The following PLCB1 variants were observed in gnomAD, a reference collection of about 807,000 sequenced individuals.
PLCB1 encodes the protein 1-phosphatidylinositol 4,5-bisphosphate phosphodiesterase beta-1.
In PLCB1, 46 loss-of-function variants were observed where a neutral mutation model predicts 161.8. The ratio of observed to expected loss-of-function variants is 0.28; its 90% confidence interval spans 0.22 to 0.36. PLCB1 has a LOEUF of 0.36. Among genes scored for constraint, PLCB1 ranks in the 10% least tolerant of loss-of-function variants. The probability of loss-of-function intolerance (pLI) is 1.00; values close to 1 mark genes in which losing one functional copy is unlikely to be tolerated. For missense variants in PLCB1, 1,016 were observed against 1,472.5 expected, an observed-to-expected ratio of 0.69 and a Z score of 5.07; for synonymous variants, 517 against 503.7, an observed-to-expected ratio of 1.03 and a Z score of -0.35.
chr20:8,212,862 G>A (rs981100399), intron 2 of PLCB1, among the ~76,000 whole-genome samples: 67 of 152,052 alleles, frequency 4.4e-4, no homozygotes, highest in African/African-American at 1.5e-3. Flanking sequence ...ATCAAAGTAT[G>A]TGAACATTTA....
At chr20:8,651,312 T>C (rs961675343) in intron 7 of PLCB1, 2 of 640,694 alleles carry the variant, frequency 3.1e-6, no homozygotes, top group South Asian at 3.6e-5. Flanking sequence ...CAGCCAATTA[T>C]TGTTGTGAAG....
chr20:8,685,570 C>CAAAAAAAAAAA lies in PLCB1; in HGVS notation c.1009+499_1009+509dup, dbSNP rs72078385. On this transcript the variant is annotated intron_variant, in intron 10 of 31. Transcript: ENST00000338037. ...GAAACCCCTGTCTCTACTAAAAATA[C>CAAAAAAAAAAA]AAAAAAAAAAAAAAAAATCAGCCAG... is the stretch of plus-strand genomic sequence containing the variant. 2.5e-5 allele frequency among the ~76,000 whole-genome samples: 3 copies of CAAAAAAAAAAA among 121,576 alleles called. 1 individual carries two copies. Among genetic ancestry groups the CAAAAAAAAAAA allele is most frequent in the Non-Finnish European group, 4.9e-5 (3 of 61,060 alleles). The allele number at this position is 121,576 out of a possible 152,430, so 79.8% of individuals were successfully genotyped here.
chr20:8,535,869 G>T (rs955341111), intron 3 of PLCB1, among the ~76,000 whole-genome samples: 1 of 152,120 alleles, frequency 6.6e-6, no homozygotes, highest in Admixed American at 6.5e-5. Context: ...TTAGTTGCAG[G>T]ATCTCTCACT....
At chr20:8,873,815 G>A (rs1338563652) in intron 31 of PLCB1, among the ~76,000 whole-genome samples, 2 of 151,844 alleles carry the variant, frequency 1.3e-5, no homozygotes, top group Non-Finnish European at 2.9e-5. Flanking sequence ...TTTTTTTACA[G>A]AAACACTTAC....
chr20:8,827,126 C>T (rs1020266159), intron 31 of PLCB1, among the ~76,000 whole-genome samples: 1 of 152,172 alleles, frequency 6.6e-6, no homozygotes, highest in African/African-American at 2.4e-5. Flanking sequence ...TGATAGTTTT[C>T]ATTATCCAAT....
intron 27 of PLCB1, among the ~76,000 whole-genome samples, chr20:8,781,029 T>C (rs1199674290): frequency 6.6e-6 from 1 of 152,180 alleles, no homozygotes; most frequent in African/African-American, 2.4e-5. Flanking sequence ...AGGGAACTCA[T>C]TGTCTCTCCT....
At chr20:8,190,804 G>C (rs1273693415) in intron 2 of PLCB1, among the ~76,000 whole-genome samples, 1 of 152,086 alleles carries the variant, frequency 6.6e-6, no homozygotes, top group Non-Finnish European at 1.5e-5. Flanking sequence ...CCCTGGTTTT[G>C]TTACTGGTGC....
At chr20:8,393,857 C>T (rs1440183433) in intron 3 of PLCB1, among the ~76,000 whole-genome samples, 1 of 152,110 alleles carries the variant, frequency 6.6e-6, no homozygotes, top group African/African-American at 2.4e-5. Context: ...ATGAGTGATG[C>T]TTGTCTTCAC....
chr20:8,314,135 C>T (rs1285613176), intron 2 of PLCB1, among the ~76,000 whole-genome samples: 2 of 152,068 alleles, frequency 1.3e-5, no homozygotes, highest in South Asian at 2.1e-4. Context: ...GATGGCATCT[C>T]GAGAGTCATC....
intron 2 of PLCB1, among the ~76,000 whole-genome samples, chr20:8,346,750 T>C (rs548219072): frequency 2.0e-4 from 30 of 151,964 alleles, no homozygotes; most frequent in African/African-American, 7.0e-4. Context: ...AGAGCTCAAA[T>C]TGCATTCAAC....
At chr20:8,273,010 G>A (rs1982359165) in intron 2 of PLCB1, among the ~76,000 whole-genome samples, 1 of 152,122 alleles carries the variant, frequency 6.6e-6, no homozygotes. Context: ...ACACAAAGGA[G>A]AGCAAATAAA....
intron 4 of PLCB1, among the ~76,000 whole-genome samples, chr20:8,639,484 C>T (rs1988872448): frequency 1.3e-5 from 2 of 152,214 alleles, no homozygotes; most frequent in Non-Finnish European, 2.9e-5. Flanking sequence ...ATCGAGATGC[C>T]TCTGTAGCTC....
At chr20:8,879,310 AAC>A (rs1226218666) in intron 31 of PLCB1, among the ~76,000 whole-genome samples, 14 of 151,032 alleles carry the variant, frequency 9.3e-5, no homozygotes, top group African/African-American at 2.9e-4. Context: ...AAAAAAAAAA[AAC>A]AAGTCATTTA....
chr20:8,537,840 TAAAC>T (rs143861753), intron 3 of PLCB1, among the ~76,000 whole-genome samples: 34,683 of 151,948 alleles, frequency 0.23, 4,730 homozygotes, highest in African/African-American at 0.38. Context: ...CATTTTAAAA[TAAAC>T]AATAACTAAT....
intron 3 of PLCB1, among the ~76,000 whole-genome samples, chr20:8,480,516 C>T (rs6118209): frequency 1.3e-5 from 2 of 152,062 alleles, no homozygotes; most frequent in Non-Finnish European, 2.9e-5. Context: ...GCTAGTTTGC[C>T]TAGTGTAGCC....
chr20:8,280,351 G>T (rs1440232587), intron 2 of PLCB1, among the ~76,000 whole-genome samples: 3 of 150,962 alleles, frequency 2.0e-5, no homozygotes, highest in African/African-American at 7.3e-5. Context: ...AAAAAAAAAA[G>T]TTTTTTAAAA....
At chr20:8,620,695 C>T (rs1294201884) in intron 3 of PLCB1, among the ~76,000 whole-genome samples, 1 of 147,076 alleles carries the variant, frequency 6.8e-6, no homozygotes, top group Non-Finnish European at 1.5e-5. Flanking sequence ...ACTCAGATTG[C>T]ACCACTGCAC....
chr20:8,533,908 C>T (rs534899774), intron 3 of PLCB1, among the ~76,000 whole-genome samples: 6 of 152,180 alleles, frequency 3.9e-5, no homozygotes, highest in African/African-American at 1.4e-4. Context: ...GTTGACATTG[C>T]TTTTGGTGTT....
rs188625650 is a variant in PLCB1, at chr20:8,213,703, G to T, written c.177+63332G>T. 1.5e-4 allele frequency among the ~76,000 whole-genome samples: 23 copies of T among 152,060 alleles called. 1 individual carries two copies. On this transcript the variant is annotated intron_variant, in intron 2 of 31. Coordinates refer to ENST00000338037, the MANE Select transcript of PLCB1 (RefSeq NM_015192.4). Reference sequence around the variant, plus strand: ...GTGGTGGTGGTGGTGGTGTGTGTGTGTGTGTCTTCATAAGAGTAACATGAT... The same window carrying T: ...GTGGTGGTGGTGGTGGTGTGTGTGTTTGTGTCTTCATAAGAGTAACATGAT...
Sources: gnomAD v4.1 joint callset for allele counts (sites outside exome capture counted in the v4.1 genomes callset) on GRCh38, gnomAD v4.1.1 for gene constraint, MANE v1.5 for transcripts, NCBI Gene and HGNC (gene_info 2026-07-23, HGNC 2026-07-21) for gene names.